The following SH3BGRL variants were observed in gnomAD, a reference collection of about 807,000 sequenced individuals.
SH3BGRL encodes the protein SH3 domain binding glutamate rich protein like.
Under a neutral mutation model 9.8 loss-of-function variants are expected in SH3BGRL, and 7 were observed. The ratio of observed to expected loss-of-function variants is 0.72; its 90% confidence interval spans 0.41 to 1.35. The LOEUF (loss-of-function observed/expected upper bound fraction) is 1.35. Ranked by LOEUF, SH3BGRL falls within the 40% of genes most tolerant of loss-of-function variation. The pLI is 0.01. For synonymous variants in SH3BGRL, 36 were observed against 29.1 expected, an observed-to-expected ratio of 1.24 and a Z score of -0.76; for missense variants, 73 against 84.4, an observed-to-expected ratio of 0.86 and a Z score of 0.53.
At chrX:81,273,429 C>T (rs764711603) in intron 1 of SH3BGRL, among the ~76,000 whole-genome samples, 1 of 112,172 alleles carries the variant, frequency 8.9e-6, no homozygotes, top group Admixed American at 9.5e-5. Flanking sequence ...AGGAAGGGAT[C>T]ACGCCTATTT....
chrX:81,231,893 C>T (rs2147680333), intron 1 of SH3BGRL, among the ~76,000 whole-genome samples: 1 of 111,667 alleles, frequency 9.0e-6, no homozygotes, highest in Admixed American at 9.5e-5. Context: ...ATTACTAGCA[C>T]GTAGTAGATG....
chrX:81,268,077 T>G (rs1048031895), intron 1 of SH3BGRL, among the ~76,000 whole-genome samples: 14 of 111,955 alleles, frequency 1.3e-4, no homozygotes, highest in African/African-American at 4.5e-4. Context: ...TCATCCTTTT[T>G]TATTGCATCT....
intron 1 of SH3BGRL, among the ~76,000 whole-genome samples, chrX:81,265,995 C>T (rs1253776998): frequency 8.9e-6 from 1 of 112,272 alleles, no homozygotes; most frequent in East Asian, 2.8e-4. Context: ...TAAATGTCTT[C>T]TTTTGAGATG....
chrX:81,228,825 A>T (rs1357854717), intron 1 of SH3BGRL, among the ~76,000 whole-genome samples: 1 of 112,297 alleles, frequency 8.9e-6, no homozygotes, highest in Admixed American at 9.4e-5. Context: ...CATATAATGT[A>T]AATTCATTTC....
intron 3 of SH3BGRL, among the ~76,000 whole-genome samples, chrX:81,291,090 C>CT (rs2075856482): frequency 8.9e-6 from 1 of 111,848 alleles, no homozygotes; most frequent in East Asian, 2.8e-4. Flanking sequence ...CATACTGTGA[C>CT]TTTAACATAT....
At chrX:81,268,741 T>A (rs1268591565) in intron 1 of SH3BGRL, among the ~76,000 whole-genome samples, 1 of 111,711 alleles carries the variant, frequency 9.0e-6, no homozygotes, top group Admixed American at 9.5e-5. Context: ...GTCTGCTTGG[T>A]CCAGAGCTGA....
At chrX:81,289,536 G>A (rs988967118) in intron 3 of SH3BGRL, among the ~76,000 whole-genome samples, 7 of 109,198 alleles carry the variant, frequency 6.4e-5, no homozygotes, top group African/African-American at 2.3e-4. Flanking sequence ...ACAGGGGATC[G>A]GTAACGAGCA....
chrX:81,268,114 T>C (rs2075764066), intron 1 of SH3BGRL, among the ~76,000 whole-genome samples: 1 of 111,793 alleles, frequency 8.9e-6, no homozygotes, highest in Admixed American at 9.5e-5. Context: ...TTTTCTTCTT[T>C]ATTAGTCTTG....
Position 81,274,811 on chromosome X carries a change from AT to A in SH3BGRL, c.46-2164del, listed in dbSNP as rs769599930. 9.6e-3 allele frequency among the ~76,000 whole-genome samples: 1,054 copies of A among 110,000 alleles called. 12 individuals are homozygous for A. The highest frequency in any genetic ancestry group is 0.032 in the African/African-American group (977 of 30,270). The stretch of plus-strand genomic sequence containing the variant: ...TGAAAATTTGATCAAGTTAGGAAAC[AT>A]TTTTTTTTAACTTTCCCTGAAGATT... On this transcript the variant is annotated intron_variant, in intron 1 of 3. Transcript: ENST00000373212.
chrX:81,293,539 T>C (rs2075864782), intron 3 of SH3BGRL, among the ~76,000 whole-genome samples: 1 of 111,639 alleles, frequency 9.0e-6, no homozygotes, highest in South Asian at 3.7e-4. Flanking sequence ...AAAAAGTAGC[T>C]GGGCATGGTG....
chrX:81,228,044 T>C (rs1430746936), intron 1 of SH3BGRL, among the ~76,000 whole-genome samples: 2 of 112,216 alleles, frequency 1.8e-5, no homozygotes, highest in Non-Finnish European at 3.8e-5. Context: ...TGGTGGTTCA[T>C]ATGAATGGGT....
At chrX:81,226,906 T>G (rs1324278685) in intron 1 of SH3BGRL, among the ~76,000 whole-genome samples, 1 of 111,524 alleles carries the variant, frequency 9.0e-6, no homozygotes, top group African/African-American at 3.3e-5. Flanking sequence ...AGCTCTGACC[T>G]TTAGAACCGT....
chrX:81,290,682 A>G (rs2075854875), intron 3 of SH3BGRL, among the ~76,000 whole-genome samples: 1 of 111,104 alleles, frequency 9.0e-6, no homozygotes, highest in East Asian at 2.8e-4. Flanking sequence ...ACTACGGTCA[A>G]AAATAAATTA....
At chrX:81,288,333 TACTGAATGAGGAAAA>T (rs1337821667) in intron 3 of SH3BGRL, among the ~76,000 whole-genome samples, 1 of 112,207 alleles carries the variant, frequency 8.9e-6, no homozygotes, top group Non-Finnish European at 1.9e-5. Flanking sequence ...GCTAGTATCA[TACTGAATGAGGAAAA>T]ACTGAATGCC....
At chrX:81,218,794 T>TATATAGATATAGATATAGATATAG (rs200310468) in intron 1 of SH3BGRL, among the ~76,000 whole-genome samples, 12 of 100,269 alleles carry the variant, frequency 1.2e-4, no homozygotes, top group African/African-American at 3.9e-4. Flanking sequence ...TCTGTATGTA[T>TATATAGATATAGATATAGATATAG]ATATAGATAT....
intron 1 of SH3BGRL, among the ~76,000 whole-genome samples, chrX:81,230,264 A>G (rs1489684711): frequency 8.9e-6 from 1 of 112,447 alleles, no homozygotes; most frequent in African/African-American, 3.2e-5. Context: ...TGAACAGGAT[A>G]GACATAGACA....
chrX:81,272,846 C>G (rs958956164), intron 1 of SH3BGRL, among the ~76,000 whole-genome samples: 3 of 111,399 alleles, frequency 2.7e-5, no homozygotes, highest in African/African-American at 9.8e-5. Context: ...CCTAGGGTAG[C>G]ATTTGAAATA....
rs142626911 is a variant in SH3BGRL at position 81,227,380 on chromosome X, A to C, written c.45+25135A>C. On this transcript the variant is annotated intron_variant, in intron 1 of 3. Coordinates refer to ENST00000373212, the MANE Select transcript of SH3BGRL (RefSeq NM_003022.3). ...ATTTTTGTATTTTTCTTAAAAACAAACAAAATGTTCTGTTCTGCACAGTTT... is the reference window on the plus strand; with the variant it reads ...ATTTTTGTATTTTTCTTAAAAACAACCAAAATGTTCTGTTCTGCACAGTTT... 5.2e-3 allele frequency among the ~76,000 whole-genome samples: 581 copies of C among 111,995 alleles called. 4 individuals are homozygous for C. Among genetic ancestry groups the C allele is most frequent in the African/African-American group, 0.018 (543 of 30,874 alleles).
At chrX:81,292,760 C>T (rs1315434927) in intron 3 of SH3BGRL, among the ~76,000 whole-genome samples, 1 of 111,763 alleles carries the variant, frequency 8.9e-6, no homozygotes, top group Non-Finnish European at 1.9e-5. Context: ...TTAGAAGCAG[C>T]CAGGCTACAT....
Sources: allele counts gnomAD v4.1 joint callset (sites outside exome capture counted in the v4.1 genomes callset), GRCh38; gene constraint gnomAD v4.1.1; transcripts MANE v1.5; gene names NCBI Gene and HGNC (gene_info 2026-07-23, HGNC 2026-07-21).